The following ADAM22 variants were observed in gnomAD, a reference collection of about 807,000 sequenced individuals.
ADAM22 encodes the protein disintegrin and metalloproteinase domain-containing protein 22.
A neutral mutation model predicts 144.6 loss-of-function variants in ADAM22; 65 were observed. That is an observed-to-expected ratio of 0.45 (90% CI 0.37 to 0.55). The LOEUF (loss-of-function observed/expected upper bound fraction) is 0.55. Ranked by LOEUF, ADAM22 falls within the 20% of genes least tolerant of loss-of-function variation. The pLI is 0.00. For synonymous variants in ADAM22, 391 were observed against 412.6 expected, an observed-to-expected ratio of 0.95 and a Z score of 0.63; for missense variants, 974 against 1,184.9, an observed-to-expected ratio of 0.82 and a Z score of 2.61.
Position 88,050,221 on chromosome 7 carries a change from T to TAA in ADAM22, c.324-25383_324-25382dup, listed in dbSNP as rs1240990310. 3.3e-3 allele frequency among the ~76,000 whole-genome samples: 233 copies of TAA among 70,516 alleles called. 2 individuals carry two copies. The highest frequency in any genetic ancestry group is 0.011 in the African/African-American group (205 of 19,020). The allele number at this position is 70,516 out of a possible 152,430, so 46.3% of individuals were successfully genotyped here. A position where few individuals can be genotyped will look rare whatever the true frequency, so the allele number is the denominator to read the frequency against. ...CAGCATAGCAAGCCTCCATCTCTAC[T>TAA]AAAAAAAAAAAAAAAAAAAAAAACC... is the stretch of plus-strand genomic sequence containing the variant. On this transcript the variant is annotated intron_variant, in intron 3 of 31. Transcript: ENST00000413139.
At chr7:87,936,080 A>G (rs2131165657) in intron 2 of ADAM22, among the ~76,000 whole-genome samples, 1 of 152,362 alleles carries the variant, frequency 6.6e-6, no homozygotes, top group East Asian at 1.9e-4. Context: ...TTTCACATGT[A>G]TAAATATATT....
At chr7:88,168,327 A>G (rs1843401928) in intron 25 of ADAM22, 100 bp downstream of exon 25, 2 of 1,201,352 alleles carry the variant, frequency 1.7e-6, no homozygotes, top group Non-Finnish European at 2.4e-6. Context: ...GGTTGAATAT[A>G]CTTGCAATGA....
chr7:88,084,146 G>A (rs1351961014), intron 4 of ADAM22, among the ~76,000 whole-genome samples: 2 of 152,154 alleles, frequency 1.3e-5, no homozygotes, highest in African/African-American at 4.8e-5. Context: ...CCAGCAGACA[G>A]CTCTCTGCTG....
intron 21 of ADAM22, among the ~76,000 whole-genome samples, chr7:88,154,872 A>T (rs1488810599): frequency 6.6e-6 from 1 of 152,068 alleles, no homozygotes. Flanking sequence ...TTTTTTCTCC[A>T]TGTGGTAAAG....
chr7:88,041,989 A>C (rs894037334), intron 3 of ADAM22, among the ~76,000 whole-genome samples: 9 of 152,068 alleles, frequency 5.9e-5, no homozygotes, highest in Non-Finnish European at 1.3e-4. Context: ...TATAAATAGC[A>C]CCTGTTTCTA....
intron 2 of ADAM22, among the ~76,000 whole-genome samples, chr7:87,974,341 G>C (rs748014045): frequency 6.6e-6 from 1 of 151,448 alleles, no homozygotes; most frequent in South Asian, 2.1e-4. Context: ...AAGAAAAGAA[G>C]CACCATATTT....
intron 2 of ADAM22, among the ~76,000 whole-genome samples, chr7:87,949,772 T>C (rs1844592406): frequency 6.6e-6 from 1 of 151,180 alleles, no homozygotes; most frequent in Non-Finnish European, 1.5e-5. Context: ...ATCTTACTTT[T>C]ATGGACTAAC....
chr7:88,036,376 C>T (rs965426110), intron 3 of ADAM22, among the ~76,000 whole-genome samples: 2 of 152,054 alleles, frequency 1.3e-5, no homozygotes, highest in Non-Finnish European at 2.9e-5. Context: ...TATCTTTCTT[C>T]TGTTGCAGCA....
chr7:88,097,534 A>G (rs115989311), intron 4 of ADAM22, among the ~76,000 whole-genome samples: 3,941 of 152,058 alleles, frequency 0.026, 175 homozygotes, highest in African/African-American at 0.089. Flanking sequence ...AAGTGAAACT[A>G]AAGGAGGTTA....
intron 2 of ADAM22, among the ~76,000 whole-genome samples, chr7:87,967,504 A>G (rs1055229428): frequency 1.3e-5 from 2 of 152,104 alleles, no homozygotes; most frequent in Middle Eastern, 6.8e-3. Flanking sequence ...GCTCCTTTTC[A>G]TGCCTCATTT....
At chr7:88,064,626 C>T (rs1214982247) in intron 3 of ADAM22, among the ~76,000 whole-genome samples, 1 of 152,034 alleles carries the variant, frequency 6.6e-6, no homozygotes, top group Non-Finnish European at 1.5e-5. Context: ...TGTGCTGTGT[C>T]CTCCAGGGGT....
At chr7:88,156,736 A>G (rs770795629) in intron 22 of ADAM22, among the ~76,000 whole-genome samples, 1 of 152,154 alleles carries the variant, frequency 6.6e-6, no homozygotes, top group Non-Finnish European at 1.5e-5. Flanking sequence ...TTGGAGCTTT[A>G]TACTCTATAG....
intron 3 of ADAM22, among the ~76,000 whole-genome samples, chr7:87,978,990 A>C (rs1330423522): frequency 1.3e-5 from 2 of 152,120 alleles, no homozygotes; most frequent in Non-Finnish European, 2.9e-5. Flanking sequence ...AATCTCTTGC[A>C]TTTGGTCTAA....
chr7:88,112,962 T>C (rs13230365), intron 5 of ADAM22, among the ~76,000 whole-genome samples: 10,555 of 152,010 alleles, frequency 0.069, 462 homozygotes, highest in Admixed American at 0.11. Flanking sequence ...TCATGTGATT[T>C]CCCCCCGCCT....
At chr7:88,078,789 T>C (rs1023912304) in intron 4 of ADAM22, among the ~76,000 whole-genome samples, 3 of 151,838 alleles carry the variant, frequency 2.0e-5, no homozygotes, top group African/African-American at 7.3e-5. Context: ...TGAAGAGAAG[T>C]TCAGAGAAAA....
At chr7:87,984,847 A>G (rs1854563712) in intron 3 of ADAM22, among the ~76,000 whole-genome samples, 1 of 151,914 alleles carries the variant, frequency 6.6e-6, no homozygotes, top group African/African-American at 2.4e-5. Flanking sequence ...CGCCCAGCTA[A>G]TTTTTGTGTT....
At chr7:88,186,573 A>G (rs752780288) in intron 29 of ADAM22, 42 bp from the exon 30 acceptor site, 23 of 1,299,452 alleles carry the variant, frequency 1.8e-5, no homozygotes, top group Non-Finnish European at 2.3e-5. Flanking sequence ...CAGATTTTCT[A>G]TCTTGTTCTG....
intron 26 of ADAM22, among the ~76,000 whole-genome samples, chr7:88,172,175 T>G (rs1844486140): frequency 6.6e-6 from 1 of 151,888 alleles, no homozygotes; most frequent in Non-Finnish European, 1.5e-5. Flanking sequence ...TCAGACACCC[T>G]GTATAGCATA....
At chr7:88,168,434 A>G (rs1418225866) in intron 25 of ADAM22, 8 of 603,490 alleles carry the variant, frequency 1.3e-5, no homozygotes, top group East Asian at 1.1e-4. Context: ...ACTTCCTTCT[A>G]TTGTAAAAGA....
Sources: gnomAD v4.1 joint callset for allele counts (sites outside exome capture counted in the v4.1 genomes callset) on GRCh38, gnomAD v4.1.1 for gene constraint, MANE v1.5 for transcripts, NCBI Gene and HGNC (gene_info 2026-07-23, HGNC 2026-07-21) for gene names.